Variants in VAC14 observed in about 807,000 individuals in gnomAD.
VAC14 encodes the protein protein VAC14 homolog.
Under a neutral mutation model 85.3 loss-of-function variants are expected in VAC14, and 47 were observed. The ratio of observed to expected loss-of-function variants is 0.55; its 90% CI spans 0.44 to 0.70. The LOEUF (loss-of-function observed/expected upper bound fraction) is 0.70, where lower values mean the gene tolerates loss of function less well. Ranked by LOEUF, VAC14 falls within the 30% of genes least tolerant of loss-of-function variation. The pLI is 0.00. For missense variants in VAC14, 861 were observed against 1,004.3 expected (o/e 0.86, Z 1.93); for synonymous variants, 447 against 430.5 (o/e 1.04, Z -0.47).
chr16:70,740,900 C>CG lies in VAC14; in HGVS notation c.1528+3522dup, dbSNP rs1364052981. Among the ~76,000 whole-genome samples, 14 of 152,320 alleles carry CG rather than the reference C, an allele frequency of 9.2e-5. No individual in the cohort carries two copies. In the South Asian group the frequency reaches 1.7e-3, roughly 18 times the overall value. On this transcript the variant is annotated intron_variant, in intron 13 of 18. Transcript: ENST00000261776. ...AAATCCCATGTGGGCGACTCTGCCT[C>CG]GGGGGGCCCTGGGAACCATGGCTGT...
At chr16:70,733,234 CA>C (rs1242499265) in intron 13 of VAC14, among the ~76,000 whole-genome samples, 9 of 152,144 alleles carry the variant, frequency 5.9e-5, no homozygotes, top group Non-Finnish European at 1.5e-5. Context: ...TAGAACTAAG[CA>C]GTAGGTGGCT....
intron 1 of VAC14, among the ~76,000 whole-genome samples, chr16:70,791,488 G>T (rs1409275596): frequency 6.6e-6 from 1 of 152,046 alleles, no homozygotes; most frequent in African/African-American, 2.4e-5. Flanking sequence ...AGGTTCAAGC[G>T]ATCCTCCTGC....
At chr16:70,772,327 A>C in intron 9 of VAC14, 155 bp from the exon 10 acceptor site, 1 of 612,724 alleles carries the variant, frequency 1.6e-6, no homozygotes. Flanking sequence ...TGAGGACCCA[A>C]CCAACGCCCA....
intron 14 of VAC14, among the ~76,000 whole-genome samples, chr16:70,708,160 C>G (rs1327531077): frequency 6.6e-6 from 1 of 152,198 alleles, no homozygotes; most frequent in African/African-American, 2.4e-5. Context: ...GGTACTCAAG[C>G]CCCCTGTTCT....
At chr16:70,736,002 G>A (rs970006705) in intron 13 of VAC14, among the ~76,000 whole-genome samples, 1 of 152,226 alleles carries the variant, frequency 6.6e-6, no homozygotes, top group African/African-American at 2.4e-5. Context: ...CCCTCCCTCA[G>A]GAGATGAATT....
intron 14 of VAC14, among the ~76,000 whole-genome samples, chr16:70,709,656 C>T (rs948844576): frequency 1.1e-4 from 16 of 152,180 alleles, no homozygotes; most frequent in African/African-American, 3.1e-4. Flanking sequence ...TCTGACCCAG[C>T]GGAGAAAGTC....
chr16:70,689,547 G>A (rs2053560388), intron 18 of VAC14: 2 of 985,462 alleles, frequency 2.0e-6, no homozygotes, highest in Admixed American at 6.1e-5. Context: ...CTGGGGCCCG[G>A]AGGCGGCCTC....
intron 10 of VAC14, chr16:70,768,785 A>C: frequency 2.2e-6 from 1 of 453,086 alleles, no homozygotes; most frequent in Non-Finnish European, 4.4e-6. Flanking sequence ...TGAATTCAGA[A>C]TTTCATGTGG....
chr16:70,786,058 CCGCA>C (rs2034041247), intron 2 of VAC14, 153 bp downstream of exon 2: 1 of 1,406,392 alleles, frequency 7.1e-7, no homozygotes, highest in Non-Finnish European at 9.6e-7. Context: ...GGCTGCAAGG[CCGCA>C]AAGCCAGCCT....
chr16:70,689,744 C>T (rs1164257546), intron 18 of VAC14: 39 of 985,398 alleles, frequency 4.0e-5, no homozygotes, highest in African/African-American at 5.2e-5. Context: ...AGCAGCTGGG[C>T]GGGGCCATTC....
intron 1 of VAC14, among the ~76,000 whole-genome samples, chr16:70,799,657 AG>A (rs2034684868): frequency 6.6e-6 from 1 of 152,238 alleles, no homozygotes; most frequent in Admixed American, 6.5e-5. Flanking sequence ...TGCAAGGCAC[AG>A]GACAGCCCAC....
intron 12 of VAC14, among the ~76,000 whole-genome samples, chr16:70,749,507 C>A (rs2031200290): frequency 6.6e-6 from 1 of 152,248 alleles, no homozygotes. Flanking sequence ...CTCTGGTCCC[C>A]AGAGGCTGGC....
intron 10 of VAC14, chr16:70,769,038 ACTCCTGAC>A: frequency 4.0e-6 from 1 of 247,542 alleles, no homozygotes; most frequent in Non-Finnish European, 8.0e-6. Flanking sequence ...CTGATCTCGA[ACTCCTGAC>A]CTCAGGTGAT....
chr16:70,704,709 C>T (rs554034563), intron 14 of VAC14, among the ~76,000 whole-genome samples: 4 of 152,302 alleles, frequency 2.6e-5, no homozygotes, highest in African/African-American at 4.8e-5. Context: ...GAGCCTGGCA[C>T]GTTAGAGGCT....
At chr16:70,733,154 A>G (rs1026304460) in intron 13 of VAC14, among the ~76,000 whole-genome samples, 4 of 152,144 alleles carry the variant, frequency 2.6e-5, no homozygotes, top group Non-Finnish European at 4.4e-5. Context: ...TCTCACTTCC[A>G]TGGCCCCTAG....
rs2054592309 is a variant in VAC14 at position 70,731,575 on chromosome 16, A to G, written c.1581T>C (p.Phe527=). 20 of 1,614,064 alleles carry G rather than the reference A, an allele frequency of 1.2e-5. No homozygotes were observed. The highest frequency in any genetic ancestry group is 1.6e-5 in the Non-Finnish European group (19 of 1,180,042). Residue 527 remains phenylalanine, a synonymous_variant, in exon 14 of 19, where the codon TTT becomes TTC. Transcript: ENST00000261776. The stretch of plus-strand genomic sequence containing the variant: ...TGAGAAGGTTGATCATGAACTTATA[A>G]AAGTAAGAATTCATGGTGGGAGTTG... ...SPSTPTMNSY[F]YKFMINLLKR...
chr16:70,732,642 A>AT (rs113854246), intron 13 of VAC14, among the ~76,000 whole-genome samples: 219 of 144,170 alleles, frequency 1.5e-3, no homozygotes, highest in Admixed American at 1.7e-3. Context: ...TGAGGCAGGA[A>AT]TTTTTTTTTT....
At chr16:70,788,208 A>G (rs1185090571) in intron 1 of VAC14, among the ~76,000 whole-genome samples, 1 of 152,232 alleles carries the variant, frequency 6.6e-6, no homozygotes, top group Non-Finnish European at 1.5e-5. Context: ...ATTAAAACCA[A>G]CGGTGCTGTC....
intron 14 of VAC14, chr16:70,715,007 T>C (rs1265994425): frequency 2.0e-5 from 3 of 152,314 alleles, no homozygotes; most frequent in Non-Finnish European, 4.4e-5. Flanking sequence ...CCACTGCCTA[T>C]CTGAAGGCTC....
Sources: gnomAD v4.1 joint callset for allele counts (sites outside exome capture counted in the v4.1 genomes callset) on GRCh38, gnomAD v4.1.1 for gene constraint, MANE v1.5 for transcripts, NCBI Gene and HGNC (gene_info 2026-07-23, HGNC 2026-07-21) for gene names.